The following CASKIN1 variants were observed in gnomAD, a reference collection of about 807,000 sequenced individuals.
CASKIN1 encodes CASK interacting protein 1.
A neutral mutation model predicts 117.5 loss-of-function variants in CASKIN1; 42 were observed. The ratio of observed to expected loss-of-function variants is 0.36; its 90% CI spans 0.28 to 0.46. The LOEUF is 0.46. Among genes scored for constraint, CASKIN1 ranks in the 20% least tolerant of loss-of-function variants. The probability of loss-of-function intolerance (pLI) is 1.00; values close to 1 mark genes in which losing one functional copy is unlikely to be tolerated. For missense variants in CASKIN1, 2,083 were observed against 2,077.3 expected (o/e 1.00, Z -0.05); for synonymous variants, 1,148 against 961.7 (o/e 1.19, Z -3.59).
At chr16:2,190,429 G>A (rs2093198522) in intron 1 of CASKIN1, 71 bp from the exon 2 acceptor site, 4 of 1,392,362 alleles carry the variant, frequency 2.9e-6, no homozygotes, top group South Asian at 1.2e-5. Context: ...GGCAGGGAGA[G>A]GGGGCCAGCC....
chr16:2,189,047 G>A lies in CASKIN1; in HGVS notation c.597C>T (p.Asn199=), dbSNP rs376282628. The part of the protein sequence containing the change: ...GTSPLHLAAK[N]GHIDIIRLLL... Reference sequence around the variant, plus strand: ...TCTACCTGATGATGTCGATGTGGCCGTTTTTAGCTGCGAGGTGCAAAGGGC... The same window carrying A: ...TCTACCTGATGATGTCGATGTGGCCATTTTTAGCTGCGAGGTGCAAAGGGC... The change falls in exon 6 of 20, where the codon AAC becomes AAT. Residue 199 remains asparagine, a synonymous_variant. Coordinates refer to ENST00000343516, the MANE Select transcript of CASKIN1 (RefSeq NM_020764.4). 33 of 1,613,256 alleles carry A rather than the reference G, an allele frequency of 2.0e-5. No individual in the cohort carries two copies. The highest frequency in any genetic ancestry group is 4.0e-5 in the African/African-American group (3 of 74,912).
Position 2,190,119 on chromosome 16 carries a change from G to C in CASKIN1, c.198C>G (p.Ser66Arg), listed in dbSNP as rs746187410. 1.2e-6 allele frequency: 2 copies of C among 1,612,932 alleles called. No individual in the cohort carries two copies. The highest frequency in any genetic ancestry group is 2.7e-5 in the African/African-American group (2 of 74,944). Residue 66 changes from serine to arginine, a missense_variant, in exon 3 of 20, where the codon AGC becomes AGG. By Grantham distance (110) the Ser-to-Arg change is moderately radical. Transcript: ENST00000343516. The stretch of plus-strand genomic sequence containing the variant: ...CAGCGGCCTGGGCCTCCAGCAGCAG[G>C]CTGATCAATTCCGTGTTGCCGTTCA... ...AALNGNTELI[S>R]LLLEAQAAVD...
Position 2,179,206 on chromosome 16 carries a change from G to A in CASKIN1, c.3895C>T (p.Pro1299Ser), listed in dbSNP as rs2093157409. 2 of 1,163,956 alleles carry A rather than the reference G, an allele frequency of 1.7e-6. No individual in the cohort carries two copies. Among genetic ancestry groups the A allele is most frequent in the Non-Finnish European group, 2.1e-6 (2 of 944,584 alleles). 72.1% of individuals were successfully genotyped at this position (1,163,956 alleles called of 1,614,324 possible). A position where few individuals can be genotyped will look rare whatever the true frequency, so the allele number is the denominator to read the frequency against. ...GLPSGSAGPS[P>S]APSPARQPPA... is the part of the protein sequence containing the mutation. Reference sequence around the variant, plus strand: ...GGCTGTCGCGCGGGCGAGGGTGCGGGTGAAGGGCCGGCGCTGCCCGAAGGC... The same window carrying A: ...GGCTGTCGCGCGGGCGAGGGTGCGGATGAAGGGCCGGCGCTGCCCGAAGGC... The change falls in exon 19 of 20, where the codon CCC becomes TCC. Residue 1299 changes from proline (P) to serine (S), a missense_variant. Transcript: ENST00000343516. This position sits in a 1 kb window ranked among gnomAD's most constrained non-coding sequence, Gnocchi z 5.8.
At chr16:2,188,470 C>T (rs1182598016) in intron 6 of CASKIN1, among the ~76,000 whole-genome samples, 1 of 151,958 alleles carries the variant, frequency 6.6e-6, no homozygotes, top group Non-Finnish European at 1.5e-5. Context: ...CCTGCCTTAG[C>T]TTCCCAAGTA....
Position 2,179,725 on chromosome 16 carries a change from C to T in CASKIN1, c.3643G>A (p.Glu1215Lys), listed in dbSNP as rs2093160131. Residue 1215 changes from glutamate to lysine, a missense_variant, in exon 18 of 20, where the codon GAG becomes AAG. By Grantham distance (56) the Glu-to-Lys change is moderately conservative. Coordinates refer to ENST00000343516, the MANE Select transcript of CASKIN1 (RefSeq NM_020764.4). This position sits in a 1 kb window ranked among gnomAD's most constrained non-coding sequence, Gnocchi z 5.8. ...TTGGCCGGCTTCCGGGCTTCGCCCT[C>T]GGGCGGGGGCAATGGGGGTAGGTGC... ...LAHLPPLPPP[E>K]GEARKPAKPP... is the part of the protein sequence containing the mutation. 2.1e-6 allele frequency: 3 copies of T among 1,440,714 alleles called. No individual in the cohort carries two copies. The highest frequency in any genetic ancestry group is 1.2e-5 in the South Asian group (1 of 80,050). 89.2% of individuals were successfully genotyped at this position (1,440,714 alleles called of 1,614,324 possible). A position where few individuals can be genotyped will look rare whatever the true frequency, so the allele number is the denominator to read the frequency against.
chr16:2,195,873 T>C (rs1385107693), intron 1 of CASKIN1, among the ~76,000 whole-genome samples: 1 of 152,052 alleles, frequency 6.6e-6, no homozygotes, highest in Non-Finnish European at 1.5e-5. Flanking sequence ...AAGCGTGTTA[T>C]TAAACGTGGG....
chr16:2,181,088 A>T lies in CASKIN1; in HGVS notation c.2280T>A (p.Pro760=). Residue 760 remains proline (P), a synonymous_variant, in exon 18 of 20, where the codon CCT becomes CCA. Coordinates refer to ENST00000343516, the MANE Select transcript of CASKIN1 (RefSeq NM_020764.4). Reference sequence around the variant, plus strand: ...GTGGGAGGACCTGCCGTGGCTTGCCAGGCACGGGGGGCACGCTGGCCCTCT... The same window carrying T: ...GTGGGAGGACCTGCCGTGGCTTGCCTGGCACGGGGGGCACGCTGGCCCTCT... ...SIKRASVPPV[P]GKPRQVLPPG... 1 of 1,480,832 alleles carries T rather than the reference A, an allele frequency of 6.8e-7. No homozygotes were observed. The highest frequency in any genetic ancestry group is 8.9e-7 in the Non-Finnish European group (1 of 1,122,848). The allele number at this position is 1,480,832 out of a possible 1,614,324, so 91.7% of individuals were successfully genotyped here. A position where few individuals can be genotyped will look rare whatever the true frequency, so the allele number is the denominator to read the frequency against.
At position 2,196,066 on chromosome 16, in the gene CASKIN1, AG is replaced by A. The variant is rs2093215098; in HGVS notation, c.94+272del. ...GGAAGGGAGGGGGACAGAGGTAGAGAGAGAGGGATGCGAACGCCCGCGGCCC... is the reference window on the plus strand; with the variant it reads ...GGAAGGGAGGGGGACAGAGGTAGAGAAGAGGGATGCGAACGCCCGCGGCCC... On this transcript the variant is annotated intron_variant, in intron 1 of 19. Transcript: ENST00000343516. This position sits in a 1 kb window ranked among gnomAD's most constrained non-coding sequence, Gnocchi z 5.7. 2.0e-5 allele frequency among the ~76,000 whole-genome samples: 3 copies of A among 151,714 alleles called. No individual in the cohort carries two copies. The highest frequency in any genetic ancestry group is 1.3e-4 in the Admixed American group (2 of 15,254).
At chr16:2,194,301 C>T (rs913278046) in intron 1 of CASKIN1, among the ~76,000 whole-genome samples, 2 of 152,174 alleles carry the variant, frequency 1.3e-5, no homozygotes, top group African/African-American at 4.8e-5. Context: ...AGGAGGCCAG[C>T]CCCTGCACCG....
At chr16:2,191,011 A>G (rs2093200169) in intron 1 of CASKIN1, among the ~76,000 whole-genome samples, 3 of 152,076 alleles carry the variant, frequency 2.0e-5, no homozygotes, top group Admixed American at 2.0e-4. Context: ...CCCTCCCTTC[A>G]GGGCCCCAGC....
rs778657370 is a variant in CASKIN1 at position 2,189,385 on chromosome 16, C to A, written c.390+34G>T. 1.1e-5 allele frequency: 17 copies of A among 1,609,806 alleles called. No individual in the cohort carries two copies. The African/African-American group carries it at 1.6e-4, about 15-fold the overall frequency. Reference sequence around the variant, plus strand: ...CGCACATCCTCAGGCCGCGCTGCCCCGCCCCCGCTGCCCCGCCCCCGCTCG... The same window carrying A: ...CGCACATCCTCAGGCCGCGCTGCCCAGCCCCCGCTGCCCCGCCCCCGCTCG... On this transcript the variant is annotated intron_variant, in intron 4 of 19. Transcript: ENST00000343516.
At position 2,178,266 on chromosome 16, in the gene CASKIN1, T is replaced by G. The variant is rs2093150120; in HGVS notation, c.*284A>C. On this transcript the variant is annotated 3_prime_UTR_variant, in exon 20 of 20. Transcript: ENST00000343516. The stretch of plus-strand genomic sequence containing the variant: ...GGCCTGTGCGCTGCCCCATCCCTGG[T>G]CCCGGGGCGCCCTCCCCTCCCGCGC... 2 of 386,500 alleles carry G rather than the reference T, an allele frequency of 5.2e-6. No individual in the cohort carries two copies. The highest frequency in any genetic ancestry group is 4.4e-5 in the African/African-American group (2 of 45,630). The allele number at this position is 386,500 out of a possible 1,614,324, so 23.9% of individuals were successfully genotyped here. A position where few individuals can be genotyped will look rare whatever the true frequency, so the allele number is the denominator to read the frequency against.
chr16:2,187,269 C>G lies in CASKIN1; in HGVS notation c.732G>C (p.Gly244=). ...AGGTGTTCCTCACGTGGGCATTGAT[C>G]CCGCTCTGCACATGTGAGAGATGAG... ...TEVVRLLLDS[G]INAHVRNTYS... The change falls in exon 8 of 20, where the codon GGG becomes GGC. Residue 244 remains glycine (G), a synonymous_variant. Transcript: ENST00000343516. 3.1e-6 allele frequency: 5 copies of G among 1,614,042 alleles called. No individual in the cohort carries two copies. Among genetic ancestry groups the G allele is most frequent in the Non-Finnish European group, 4.2e-6 (5 of 1,179,962 alleles).
At position 2,179,463 on chromosome 16, in the gene CASKIN1, G is replaced by A; in HGVS notation, c.3775+130C>T. On this transcript the variant is annotated intron_variant, in intron 18 of 19. Coordinates refer to ENST00000343516, the MANE Select transcript of CASKIN1 (RefSeq NM_020764.4). This position sits in a 1 kb window ranked among gnomAD's most constrained non-coding sequence, Gnocchi z 5.8. Reference sequence around the variant, plus strand: ...TGCCCCCAGCCCTGGATGGATGAGAGGGTCTGGGGACACGTTCCCACCCCA... The same window carrying A: ...TGCCCCCAGCCCTGGATGGATGAGAAGGTCTGGGGACACGTTCCCACCCCA... The A allele has an allele frequency of 7.2e-7, 1 of 1,383,158 alleles. No homozygotes were observed. The highest frequency in any genetic ancestry group is 9.3e-7 in the Non-Finnish European group (1 of 1,072,308). The allele number at this position is 1,383,158 out of a possible 1,614,324, so 85.7% of individuals were successfully genotyped here.
At position 2,190,246 on chromosome 16, in the gene CASKIN1, C is replaced by T; in HGVS notation, c.146+61G>A. 8 of 1,589,308 alleles carry T rather than the reference C, an allele frequency of 5.0e-6. No individual in the cohort carries two copies. The South Asian group carries it at 7.9e-5, about 16-fold the overall frequency. ...CCCGGCACCCTGCCCTCCCCCGGCACCTAGGCCTCTCTAGGAGCCACCCTC... is the reference window on the plus strand; with the variant it reads ...CCCGGCACCCTGCCCTCCCCCGGCATCTAGGCCTCTCTAGGAGCCACCCTC... On this transcript the variant is annotated intron_variant, in intron 2 of 19. Coordinates refer to ENST00000343516, the MANE Select transcript of CASKIN1 (RefSeq NM_020764.4).
intron 1 of CASKIN1, among the ~76,000 whole-genome samples, chr16:2,192,278 G>A (rs1334729404): frequency 6.6e-6 from 1 of 151,830 alleles, no homozygotes; most frequent in African/African-American, 2.4e-5. Flanking sequence ...ATTCCAACCT[G>A]GGTGACAGAG....
At position 2,196,248 on chromosome 16, in the gene CASKIN1, G is replaced by T. The variant is rs2093215645; in HGVS notation, c.94+91C>A. 5.7e-6 allele frequency: 2 copies of T among 353,912 alleles called. No homozygotes were observed. The highest frequency in any genetic ancestry group is 8.6e-6 in the Non-Finnish European group (2 of 232,656). 21.9% of individuals were successfully genotyped at this position (353,912 alleles called of 1,614,324 possible). A position where few individuals can be genotyped will look rare whatever the true frequency, so the allele number is the denominator to read the frequency against. ...GCCCCGCCCCCGGGGACCCGACAAC[G>T]TCCCCTCCCCGCCCGGCGCCGGGTG... On this transcript the variant is annotated intron_variant, in intron 1 of 19. Coordinates refer to ENST00000343516, the MANE Select transcript of CASKIN1 (RefSeq NM_020764.4). This position sits in a 1 kb window ranked among gnomAD's most constrained non-coding sequence, Gnocchi z 5.7.
Position 2,196,302 on chromosome 16 carries a change from G to A in CASKIN1, c.94+37C>T, listed in dbSNP as rs543418189. 13 of 1,040,226 alleles carry A rather than the reference G, an allele frequency of 1.2e-5. No homozygotes were observed. In the South Asian group the frequency reaches 5.3e-4, roughly 42 times the overall value. The allele number at this position is 1,040,226 out of a possible 1,614,324, so 64.4% of individuals were successfully genotyped here. Reference sequence around the variant, plus strand: ...GGCTCCGCGCCGGGGAGGGGCCCCCGGGGCTCCCACCCGCGCCCCGCGCCC... The same window carrying A: ...GGCTCCGCGCCGGGGAGGGGCCCCCAGGGCTCCCACCCGCGCCCCGCGCCC... On this transcript the variant is annotated intron_variant, in intron 1 of 19. Transcript: ENST00000343516. This position sits in a 1 kb window ranked among gnomAD's most constrained non-coding sequence, Gnocchi z 5.7.
In CASKIN1 at chr16:2,182,002, G is replaced by GA; in HGVS notation, c.1630-74dup. 1 of 1,595,758 alleles carries GA rather than the reference G, an allele frequency of 6.3e-7. No individual in the cohort carries two copies. Among genetic ancestry groups the GA allele is most frequent in the Non-Finnish European group, 8.6e-7 (1 of 1,167,924 alleles). ...CCTGCCCATCTACCTGGAGCTGGAGGAGGAAGGGTCACCGGGCCAGCAGGG... is the reference window on the plus strand; with the variant it reads ...CCTGCCCATCTACCTGGAGCTGGAGGAAGGAAGGGTCACCGGGCCAGCAGGG... On this transcript the variant is annotated intron_variant, in intron 16 of 19. Transcript: ENST00000343516. This position sits in a 1 kb window ranked among gnomAD's most constrained non-coding sequence, Gnocchi z 4.1.
Sources: allele counts gnomAD v4.1 joint callset (sites outside exome capture counted in the v4.1 genomes callset), GRCh38; gene constraint gnomAD v4.1.1; non-coding constraint Gnocchi (gnomAD v3.1); transcripts MANE v1.5; gene names NCBI Gene and HGNC (gene_info 2026-07-23, HGNC 2026-07-21).